The following NRG4 variants were observed in gnomAD, a reference collection of about 807,000 sequenced individuals.
The protein encoded by NRG4 is pro-neuregulin-4, membrane-bound isoform.
In NRG4, 10 loss-of-function variants were observed where a neutral mutation model predicts 15.0. The observed-to-expected ratio is 0.67, with a 90% confidence interval of 0.41 to 1.13. NRG4 has a LOEUF of 1.13. Ranked by LOEUF, NRG4 falls within the 50% of genes most tolerant of loss-of-function variation. The pLI is 0.00. For synonymous variants in NRG4, 41 were observed against 50.1 expected (o/e 0.82, Z 0.77); for missense variants, 139 against 140.2 (o/e 0.99, Z 0.04).
Position 76,032,218 on chromosome 15 carries a change from C to T in NRG4, c.-57+3726G>A, listed in dbSNP as rs1251392843. On this transcript the variant is annotated intron_variant, in intron 5 of 8. Transcript: ENST00000563910. ...ATTGGTTGAAAATACCCTTATCATA[C>T]ATTTAAGAATCACCTTAGATGCTGA... Among the ~76,000 whole-genome samples the T allele has an allele frequency of 2.0e-5, 3 of 152,094 alleles. No homozygotes were observed. In the East Asian group the frequency reaches 5.8e-4, roughly 29 times the overall value.
intron 3 of NRG4, among the ~76,000 whole-genome samples, chr15:75,975,259 G>A (rs2033313492): frequency 6.6e-6 from 1 of 152,034 alleles, no homozygotes; most frequent in Non-Finnish European, 1.5e-5. Context: ...CATGTGAGAT[G>A]GGTCTCCTGA....
At chr15:76,029,722 A>T (rs1442398425) in intron 5 of NRG4, among the ~76,000 whole-genome samples, 5 of 152,214 alleles carry the variant, frequency 3.3e-5, no homozygotes, top group African/African-American at 1.2e-4. Context: ...TTAACCAAAG[A>T]AGTAAAGGAT....
intron 5 of NRG4, among the ~76,000 whole-genome samples, chr15:76,035,334 T>G (rs2035574520): frequency 6.6e-6 from 1 of 152,206 alleles, no homozygotes; most frequent in African/African-American, 2.4e-5. Context: ...AAGCCCTCCC[T>G]GAACTCAGCA....
At chr15:75,958,106 A>G (rs1030188220) in intron 4 of NRG4, among the ~76,000 whole-genome samples, 2 of 151,916 alleles carry the variant, frequency 1.3e-5, no homozygotes, top group African/African-American at 4.8e-5. Flanking sequence ...TCCACCTCCC[A>G]GGTTCACGCC....
At chr15:76,024,917 G>A (rs1182822892) in intron 5 of NRG4, among the ~76,000 whole-genome samples, 5 of 152,122 alleles carry the variant, frequency 3.3e-5, no homozygotes, top group Admixed American at 3.3e-4. Flanking sequence ...GAAAATTGGA[G>A]GGGGCAATTG....
rs1463467912 is a variant in NRG4, at chr15:76,052,592, CACAG to C, written c.-216+342_-216+345del. Among the ~76,000 whole-genome samples, 9 of 151,164 alleles carry C rather than the reference CACAG, an allele frequency of 6.0e-5. No individual in the cohort carries two copies. The South Asian group carries it at 8.3e-4, about 14-fold the overall frequency. On this transcript the variant is annotated intron_variant, in intron 3 of 8. Transcript: ENST00000563910. ...AAGAAAAAAATGTTACATGTATTAT[CACAG>C]ACAGAAGCCTAATATGTCTTGTCAT...
At chr15:76,039,798 T>C (rs57141410) in intron 4 of NRG4, among the ~76,000 whole-genome samples, 5,619 of 152,216 alleles carry the variant, frequency 0.037, 180 homozygotes, top group African/African-American at 0.085. Context: ...CCCAGCACTT[T>C]GGGAGGCTAA....
At chr15:76,052,372 T>G (rs2036041088) in intron 3 of NRG4, among the ~76,000 whole-genome samples, 1 of 151,150 alleles carries the variant, frequency 6.6e-6, no homozygotes, top group Non-Finnish European at 1.5e-5. Context: ...TTCACAACTT[T>G]TTAAGTCCCA....
chr15:76,001,198 G>A (rs2034401340), intron 3 of NRG4, among the ~76,000 whole-genome samples: 1 of 151,816 alleles, frequency 6.6e-6, no homozygotes, highest in Admixed American at 6.6e-5. Flanking sequence ...TTACTATGTT[G>A]TCCAGGCTGG....
chr15:76,037,900 AC>A (rs1260242674), intron 4 of NRG4, among the ~76,000 whole-genome samples: 1 of 152,168 alleles, frequency 6.6e-6, no homozygotes, highest in Admixed American at 6.5e-5. Context: ...CACCTTGGAC[AC>A]CAGCTCAGCC....
chr15:76,009,875 T>C (rs1161504153), intron 2 of NRG4, among the ~76,000 whole-genome samples: 1 of 152,184 alleles, frequency 6.6e-6, no homozygotes, highest in Non-Finnish European at 1.5e-5. Context: ...CCATAAGGCA[T>C]ATCTAAAGTT....
chr15:76,013,828 C>G (rs564387762), upstream of NRG4, among the ~76,000 whole-genome samples: 3 of 152,256 alleles, frequency 2.0e-5, no homozygotes, highest in East Asian at 5.8e-4. Context: ...TTTATAGTAG[C>G]ATGATTTATA....
At chr15:75,972,965 G>A (rs2033177849) in intron 3 of NRG4, among the ~76,000 whole-genome samples, 2 of 152,046 alleles carry the variant, frequency 1.3e-5, no homozygotes, top group South Asian at 4.1e-4. Flanking sequence ...TTTGGACAGT[G>A]TGGCCATTTT....
chr15:76,045,656 A>T (rs1228442878), intron 4 of NRG4, among the ~76,000 whole-genome samples: 1 of 151,028 alleles, frequency 6.6e-6, no homozygotes, highest in African/African-American at 2.5e-5. Flanking sequence ...GGTCACTGTT[A>T]AGTGAAATAA....
chr15:75,957,867 C>A (rs1400126867), intron 4 of NRG4, among the ~76,000 whole-genome samples: 1 of 151,958 alleles, frequency 6.6e-6, no homozygotes, highest in Non-Finnish European at 1.5e-5. Context: ...TGTGTTTAAT[C>A]TGCTGTTTAA....
upstream of NRG4, chr15:76,059,895 C>T (rs2036255588): frequency 7.1e-6 from 1 of 141,802 alleles, no homozygotes; most frequent in Non-Finnish European, 1.6e-5. Context: ...GCGCGGTGGG[C>T]GGAGGGGCGG....
chr15:76,019,700 T>C (rs1308379441), intron 5 of NRG4, among the ~76,000 whole-genome samples: 2 of 152,122 alleles, frequency 1.3e-5, no homozygotes, highest in Non-Finnish European at 2.9e-5. Context: ...CCCAATGAGA[T>C]AAGCCAGGTT....
intron 3 of NRG4, among the ~76,000 whole-genome samples, chr15:75,976,448 A>G (rs1470204869): frequency 6.6e-6 from 1 of 152,088 alleles, no homozygotes; most frequent in Non-Finnish European, 1.5e-5. Context: ...GCCTTTTTGC[A>G]CTGGTTTTTC....
chr15:76,058,235 T>A (rs903717541), intron 1 of NRG4, among the ~76,000 whole-genome samples: 1 of 152,140 alleles, frequency 6.6e-6, no homozygotes, highest in Non-Finnish European at 1.5e-5. Flanking sequence ...TCTTAACCCA[T>A]CTCCACTTTC....
Sources: allele counts gnomAD v4.1 joint callset (sites outside exome capture counted in the v4.1 genomes callset), GRCh38; gene constraint gnomAD v4.1.1; transcripts MANE v1.5; gene names NCBI Gene and HGNC (gene_info 2026-07-23, HGNC 2026-07-21).